Variants in PMEPA1 observed in about 807,000 individuals in gnomAD.
PMEPA1 encodes protein TMEPAI.
PMEPA1 carries 11 observed loss-of-function variants against 23.0 expected under a neutral mutation model. That is an observed-to-expected ratio of 0.48 (90% CI 0.30 to 0.79). PMEPA1 has a LOEUF of 0.79. Ranked by LOEUF, PMEPA1 falls within the 30% of genes least tolerant of loss-of-function variation. The pLI is 0.06. For missense variants in PMEPA1, 377 were observed against 390.9 expected, an observed-to-expected ratio of 0.96 and a Z score of 0.30; for synonymous variants, 204 against 166.4, an observed-to-expected ratio of 1.23 and a Z score of -1.74.
At chr20:57,690,628 GCGCGCACCCC>G in intron 1 of PMEPA1, 1 of 1,196,568 alleles carries the variant, frequency 8.4e-7, no homozygotes, top group Non-Finnish European at 1.1e-6. Flanking sequence ...TGGAGAGCAG[GCGCGCACCCC>G]AGCCTGCGCT....
At chr20:57,702,723 T>C (rs147482044) in intron 1 of PMEPA1, among the ~76,000 whole-genome samples, 33 of 152,316 alleles carry the variant, frequency 2.2e-4, no homozygotes, top group African/African-American at 7.9e-4. Flanking sequence ...TATCTTACAC[T>C]CTCTGATCCC....
Position 57,651,478 on chromosome 20 carries a change from C to T in PMEPA1, c.*575G>A, listed in dbSNP as rs1235778126. ...TTATATAAATAACTCTAAACCCCTG[C>T]TTTGTAATTTTTTTCTTTACAAGGT... On this transcript the variant is annotated 3_prime_UTR_variant, in exon 4 of 4. Transcript: ENST00000341744. 1.3e-5 allele frequency: 2 copies of T among 152,568 alleles called. No homozygotes were observed. Among genetic ancestry groups the T allele is most frequent in the Admixed American group, 6.5e-5 (1 of 15,280 alleles). 9.5% of individuals were successfully genotyped at this position (152,568 alleles called of 1,614,324 possible).
At chr20:57,677,102 C>G (rs181319102) in intron 1 of PMEPA1, among the ~76,000 whole-genome samples, 1 of 152,178 alleles carries the variant, frequency 6.6e-6, no homozygotes, top group Non-Finnish European at 1.5e-5. Flanking sequence ...GAAGACTTGC[C>G]CTGGGTCTGT....
At position 57,651,835 on chromosome 20, in the gene PMEPA1, GTTT is replaced by G. The variant is rs752968841; in HGVS notation, c.*215_*217del. 5.6e-5 allele frequency: 17 copies of G among 305,418 alleles called. 1 individual carries two copies. In the South Asian group the frequency reaches 1.7e-3, roughly 31 times the overall value. The allele number at this position is 305,418 out of a possible 1,614,324, so 18.9% of individuals were successfully genotyped here. On this transcript the variant is annotated 3_prime_UTR_variant, in exon 4 of 4. Transcript: ENST00000341744. ...AGACACAGCTCAACAAAGAAACGTG[GTTT>G]TTTTTTTTCTTTTTTCTTTTTTTTT...
chr20:57,678,918 A>G (rs954203517), intron 1 of PMEPA1, among the ~76,000 whole-genome samples: 3 of 152,214 alleles, frequency 2.0e-5, no homozygotes, highest in Non-Finnish European at 4.4e-5. Flanking sequence ...TACCCCCAAG[A>G]GAAAGCATCA....
rs916241091 is a variant in PMEPA1, at chr20:57,651,403, A to G, written c.*650T>C. ...AACAGACACAAGAGAAGTTTCCATC[A>G]AGCAAGCACTGACATATTTATATTA... On this transcript the variant is annotated 3_prime_UTR_variant, in exon 4 of 4. Transcript: ENST00000341744. 6.5e-6 allele frequency: 1 copy of G among 152,692 alleles called. No homozygotes were observed. Among genetic ancestry groups the G allele is most frequent in the East Asian group, 1.9e-4 (1 of 5,202 alleles). The allele number at this position is 152,692 out of a possible 1,614,324, so 9.5% of individuals were successfully genotyped here. A position where few individuals can be genotyped will look rare whatever the true frequency, so the allele number is the denominator to read the frequency against.
intron 1 of PMEPA1, among the ~76,000 whole-genome samples, chr20:57,693,389 C>A (rs558838021): frequency 7.8e-4 from 119 of 152,312 alleles, no homozygotes; most frequent in African/African-American, 2.6e-3. Context: ...GCCCAGGATC[C>A]GAGACCTGCA....
intron 1 of PMEPA1, among the ~76,000 whole-genome samples, chr20:57,701,238 C>T (rs1473652713): frequency 6.6e-6 from 1 of 152,042 alleles, no homozygotes; most frequent in Non-Finnish European, 1.5e-5. Flanking sequence ...CACCTGATAC[C>T]GCCGAAGTTG....
intron 1 of PMEPA1, among the ~76,000 whole-genome samples, chr20:57,705,303 A>C (rs6025733): frequency 0.061 from 9,362 of 152,304 alleles, 594 homozygotes; most frequent in African/African-American, 0.16. Context: ...TGGGAAGCTG[A>C]GGCCAACTGT....
At chr20:57,662,349 G>A (rs2071433420) in intron 1 of PMEPA1, among the ~76,000 whole-genome samples, 1 of 152,224 alleles carries the variant, frequency 6.6e-6, no homozygotes, top group Non-Finnish European at 1.5e-5. Context: ...CACGGGTGAG[G>A]AGACACGGGC....
intron 1 of PMEPA1, among the ~76,000 whole-genome samples, chr20:57,678,335 C>T (rs1050340912): frequency 2.0e-5 from 3 of 152,168 alleles, no homozygotes; most frequent in East Asian, 1.9e-4. Flanking sequence ...TTTTTACAAC[C>T]GCATGCTAAC....
In PMEPA1 at chr20:57,652,557, G is replaced by A. The variant is rs574354854; in HGVS notation, c.360C>T (p.Ala120=). The A allele has an allele frequency of 2.0e-6, 3 of 1,528,692 alleles. No individual in the cohort carries two copies. In the African/African-American group the frequency reaches 4.1e-5, roughly 21 times the overall value. 94.7% of individuals were successfully genotyped at this position (1,528,692 alleles called of 1,614,324 possible). ...GCTCCCGCTGGGCGAAGGGCGGCAC[G>A]GCCAGGCGGTCGGTGGGCCGAGGCG... ...YAPPRPTDRL[A]VPPFAQRERF... Residue 120 remains alanine, a synonymous_variant, in exon 4 of 4, where the codon GCC becomes GCT. Transcript: ENST00000341744. The surrounding 1 kb of genome is among the most constrained non-coding windows in gnomAD (Gnocchi z 6.1).
chr20:57,682,499 CAA>C lies in PMEPA1; in HGVS notation c.110-22804_110-22803del, dbSNP rs770197264. Among the ~76,000 whole-genome samples the C allele has an allele frequency of 6.6e-6, 1 of 152,200 alleles. No individual in the cohort carries two copies. The highest frequency in any genetic ancestry group is 1.5e-5 in the Non-Finnish European group (1 of 68,038). ...CCTAGGCGCCGGCCCAGAGGAGTTT[CAA>C]AGTCAGCCTTTAACTGCCCTCCCAG... On this transcript the variant is annotated intron_variant, in intron 1 of 3. Transcript: ENST00000341744. This position sits in a 1 kb window ranked among gnomAD's most constrained non-coding sequence, Gnocchi z 4.4.
chr20:57,689,812 C>G (rs1374891402), intron 1 of PMEPA1, among the ~76,000 whole-genome samples: 2 of 152,186 alleles, frequency 1.3e-5, no homozygotes, highest in African/African-American at 2.4e-5. Context: ...GAGGCTGTGG[C>G]CTTTCAGACG....
At chr20:57,710,439 G>A, upstream of PMEPA1, 1 of 1,600,050 alleles carries the variant, frequency 6.2e-7, no homozygotes. Flanking sequence ...AAAGGGGGAG[G>A]AAGCCCCCAA....
intron 1 of PMEPA1, among the ~76,000 whole-genome samples, chr20:57,680,275 G>A (rs370561361): frequency 8.5e-5 from 13 of 152,342 alleles, no homozygotes; most frequent in East Asian, 3.9e-4. Flanking sequence ...GTCAACACCC[G>A]CATTCTGCAG....
chr20:57,676,396 G>C (rs142646548), intron 1 of PMEPA1, among the ~76,000 whole-genome samples: 1 of 152,336 alleles, frequency 6.6e-6, no homozygotes, highest in Non-Finnish European at 1.5e-5. Context: ...TCATGACATG[G>C]CAAAGCAGGC....
At chr20:57,688,667 G>A (rs896202854) in intron 1 of PMEPA1, among the ~76,000 whole-genome samples, 2 of 152,198 alleles carry the variant, frequency 1.3e-5, no homozygotes, top group South Asian at 2.1e-4. Flanking sequence ...AGGAATCACG[G>A]CAAATGCTCA....
At chr20:57,710,227 C>G (rs965199456), upstream of PMEPA1, 2 of 537,018 alleles carry the variant, frequency 3.7e-6, no homozygotes, top group African/African-American at 4.0e-5. Flanking sequence ...GTGCCCTCTC[C>G]CCAACGGCGG....
Sources: allele counts gnomAD v4.1 joint callset (sites outside exome capture counted in the v4.1 genomes callset), GRCh38; gene constraint gnomAD v4.1.1; non-coding constraint Gnocchi (gnomAD v3.1); transcripts MANE v1.5; gene names NCBI Gene and HGNC (gene_info 2026-07-23, HGNC 2026-07-21).